RBFOX1: variants seen among roughly 807,000 people sequenced by gnomAD.
RBFOX1 encodes RNA binding protein fox-1 homolog 1.
A neutral mutation model predicts 57.7 loss-of-function variants in RBFOX1; 8 were observed. The ratio of observed to expected loss-of-function variants is 0.14; its 90% CI spans 0.08 to 0.25. The LOEUF (loss-of-function observed/expected upper bound fraction) is 0.25, where lower values mean the gene tolerates loss of function less well. RBFOX1 is among the 10% of genes least tolerant of loss of function. The pLI is 1.00. For missense variants in RBFOX1, 611 were observed against 548.5 expected (o/e 1.11, Z -1.14); for synonymous variants, 326 against 222.4 (o/e 1.47, Z -4.15).
At chr16:6,114,882 C>T (rs2096483000) in intron 1 of RBFOX1, among the ~76,000 whole-genome samples, 1 of 152,112 alleles carries the variant, frequency 6.6e-6, no homozygotes, top group Non-Finnish European at 1.5e-5. Context: ...AACTCATAGG[C>T]ACTGAGCCCA....
intron 4 of RBFOX1, among the ~76,000 whole-genome samples, chr16:7,157,523 A>T (rs956418850): frequency 6.6e-6 from 1 of 152,138 alleles, no homozygotes; most frequent in African/African-American, 2.4e-5. Flanking sequence ...AACTATTCAG[A>T]ATCCAGTGAA....
chr16:7,522,253 G>A (rs2077669567), intron 5 of RBFOX1, among the ~76,000 whole-genome samples: 1 of 152,176 alleles, frequency 6.6e-6, no homozygotes, highest in Non-Finnish European at 1.5e-5. Context: ...GCTTGAATTG[G>A]TGTTAATCAA....
intron 1 of RBFOX1, among the ~76,000 whole-genome samples, chr16:5,424,346 G>T (rs745607575): frequency 5.9e-5 from 9 of 152,136 alleles, no homozygotes; most frequent in African/African-American, 1.7e-4. Flanking sequence ...TAGTTTATCA[G>T]TGTGGTGTCT....
At chr16:7,380,138 G>A (rs2097761825) in intron 4 of RBFOX1, among the ~76,000 whole-genome samples, 1 of 152,160 alleles carries the variant, frequency 6.6e-6, no homozygotes, top group Admixed American at 6.5e-5. Context: ...GACTACAGGT[G>A]TGAGCTGTGC....
intron 10 of RBFOX1, chr16:7,615,036 TATA>T (rs1465783935): frequency 2.6e-5 from 4 of 152,346 alleles, no homozygotes; most frequent in African/African-American, 9.6e-5. Flanking sequence ...GGTCACAGAA[TATA>T]ATAATGAATG....
chr16:7,528,347 T>G (rs1360663985), intron 5 of RBFOX1, among the ~76,000 whole-genome samples: 1 of 152,202 alleles, frequency 6.6e-6, no homozygotes, highest in African/African-American at 2.4e-5. Context: ...TTATTTTTGG[T>G]TAGGTCCTTC....
chr16:5,404,082 G>A (rs933696530), intron 1 of RBFOX1, among the ~76,000 whole-genome samples: 3 of 147,348 alleles, frequency 2.0e-5, no homozygotes, highest in African/African-American at 7.5e-5. Flanking sequence ...TGGGGGCGGG[G>A]TGGGGGTGGG....
At chr16:6,092,988 A>G (rs2096198278) in intron 1 of RBFOX1, 2 of 152,218 alleles carry the variant, frequency 1.3e-5, no homozygotes, top group East Asian at 1.9e-4. Flanking sequence ...GGGTGACAGA[A>G]TAATCTATAC....
intron 4 of RBFOX1, among the ~76,000 whole-genome samples, chr16:7,090,689 A>G (rs780250229): frequency 6.6e-6 from 1 of 152,198 alleles, no homozygotes; most frequent in African/African-American, 2.4e-5. Flanking sequence ...GGGGAAAGAA[A>G]GTTGAGTTCT....
intron 3 of RBFOX1, among the ~76,000 whole-genome samples, chr16:6,863,653 C>G (rs34409367): frequency 1.2e-5 from 1 of 82,230 alleles, no homozygotes; most frequent in Non-Finnish European, 2.3e-5. Context: ...TACCAAGGTT[C>G]TGTTTTTTTT....
intron 3 of RBFOX1, among the ~76,000 whole-genome samples, chr16:6,995,633 G>C (rs916459154): frequency 6.6e-6 from 1 of 152,036 alleles, no homozygotes; most frequent in Non-Finnish European, 1.5e-5. Flanking sequence ...GGTGGTGCAC[G>C]CTTGTAATCC....
intron 2 of RBFOX1, among the ~76,000 whole-genome samples, chr16:5,598,750 C>A (rs1045759033): frequency 3.3e-5 from 5 of 152,084 alleles, no homozygotes; most frequent in Admixed American, 2.0e-4. Flanking sequence ...AGGTCTTGAC[C>A]CCTGCAGGGG....
chr16:5,314,448 A>C (rs1366141402), intron 1 of RBFOX1, among the ~76,000 whole-genome samples: 1 of 152,248 alleles, frequency 6.6e-6, no homozygotes, highest in African/African-American at 2.4e-5. Context: ...TGACCGCTTC[A>C]CTAGGTGCAG....
At chr16:6,062,897 G>A (rs2095707437) in intron 1 of RBFOX1, among the ~76,000 whole-genome samples, 1 of 152,100 alleles carries the variant, frequency 6.6e-6, no homozygotes, top group Non-Finnish European at 1.5e-5. Context: ...CTGTAGGCCA[G>A]CTGGCTGGAA....
intron 3 of RBFOX1, among the ~76,000 whole-genome samples, chr16:6,758,162 C>T (rs537391126): frequency 6.6e-6 from 1 of 152,094 alleles, no homozygotes. Flanking sequence ...ACTTCAGGTA[C>T]TGTCCTCTTA....
chr16:6,256,589 T>C (rs2097668857), intron 1 of RBFOX1, among the ~76,000 whole-genome samples: 1 of 152,030 alleles, frequency 6.6e-6, no homozygotes, highest in African/African-American at 2.4e-5. Flanking sequence ...ATATAATCAA[T>C]ATGTCAACAT....
At chr16:7,584,537 C>T (rs569902157) in intron 6 of RBFOX1, among the ~76,000 whole-genome samples, 6 of 152,208 alleles carry the variant, frequency 3.9e-5, no homozygotes, top group South Asian at 2.1e-4. Context: ...GTGATCTGCC[C>T]GCCTCAGCCT....
chr16:5,476,087 G>T (rs987506017), intron 2 of RBFOX1, among the ~76,000 whole-genome samples: 2 of 152,060 alleles, frequency 1.3e-5, no homozygotes, highest in Non-Finnish European at 2.9e-5. Flanking sequence ...CCTTCTCTTA[G>T]ACTTATGTTA....
chr16:7,366,461 C>T (rs1185363998), intron 4 of RBFOX1, among the ~76,000 whole-genome samples: 1 of 152,124 alleles, frequency 6.6e-6, no homozygotes, highest in Admixed American at 6.5e-5. Flanking sequence ...CTTCTGCCTC[C>T]AGGCTTGTGA....
Sources: allele counts gnomAD v4.1 joint callset (sites outside exome capture counted in the v4.1 genomes callset), GRCh38; gene constraint gnomAD v4.1.1; transcripts MANE v1.5; gene names NCBI Gene and HGNC (gene_info 2026-07-23, HGNC 2026-07-21).